MYO16: variants seen among roughly 807,000 people sequenced by gnomAD.
The protein encoded by MYO16 is myosin XVI, also known as unconventional myosin-XVI.
Under a neutral mutation model 205.3 loss-of-function variants are expected in MYO16, and 94 were observed. The ratio of observed to expected loss-of-function variants is 0.46; its 90% CI spans 0.39 to 0.54. The LOEUF (loss-of-function observed/expected upper bound fraction) is 0.54, where lower values mean the gene tolerates loss of function less well. Among genes scored for constraint, MYO16 ranks in the 20% least tolerant of loss-of-function variants. The pLI is 0.00. For missense variants in MYO16, 2,315 were observed against 2,387.5 expected, an observed-to-expected ratio of 0.97 and a Z score of 0.63; for synonymous variants, 988 against 954.0, an observed-to-expected ratio of 1.04 and a Z score of -0.66.
rs183866633 is a variant in MYO16 at position 108,684,165 on chromosome 13, C to T, written c.292+18016C>T. Among the ~76,000 whole-genome samples the T allele has an allele frequency of 2.6e-3, 391 of 152,300 alleles. 1 individual carries two copies. The highest frequency in any genetic ancestry group is 4.3e-3 in the Non-Finnish European group (294 of 68,026). On this transcript the variant is annotated intron_variant, in intron 2 of 34. Coordinates refer to ENST00000457511, the MANE Select transcript of MYO16 (RefSeq NM_001198950.3). ...CTGGGATTACAGGCGTGAGCCACCG[C>T]GCCTAGTCAGATGTGTTGCCTTCTT...
At chr13:108,516,614 C>A in the MYO16 span, among the ~76,000 whole-genome samples, 3 of 152,160 alleles carry the variant, frequency 2.0e-5, no homozygotes, top group Non-Finnish European at 1.5e-5. Context: ...ATAAGGTAAA[C>A]ATGTATCAAG....
intron 24 of MYO16, among the ~76,000 whole-genome samples, chr13:109,050,678 T>G (rs1198106752): frequency 6.6e-6 from 1 of 152,174 alleles, no homozygotes; most frequent in Non-Finnish European, 1.5e-5. Context: ...AACAGTGGCA[T>G]TCTGCTATAA....
intron 27 of MYO16, among the ~76,000 whole-genome samples, chr13:109,060,829 C>T (rs887536383): frequency 2.6e-5 from 4 of 152,208 alleles, no homozygotes; most frequent in Middle Eastern, 3.4e-3. Context: ...GTCAGCCTGG[C>T]CTTCGAAGCT....
chr13:108,539,032 T>C, the MYO16 span, among the ~76,000 whole-genome samples: 1 of 152,108 alleles, frequency 6.6e-6, no homozygotes, highest in Non-Finnish European at 1.5e-5. Flanking sequence ...ACCTGGTGCT[T>C]TTCCCTGTGA....
At chr13:109,201,298 C>A (rs561803998) in intron 34 of MYO16, among the ~76,000 whole-genome samples, 1 of 152,016 alleles carries the variant, frequency 6.6e-6, no homozygotes, top group Non-Finnish European at 1.5e-5. Flanking sequence ...AACCTTAAGA[C>A]CTCGAAACTC....
At chr13:108,943,561 G>A (rs1441284443) in intron 16 of MYO16, among the ~76,000 whole-genome samples, 1 of 151,980 alleles carries the variant, frequency 6.6e-6, no homozygotes, top group Admixed American at 6.6e-5. Context: ...GGGTTTAAGC[G>A]ATTCTCCTGC....
intron 23 of MYO16, among the ~76,000 whole-genome samples, chr13:109,029,389 C>G (rs1886479875): frequency 6.6e-6 from 1 of 152,076 alleles, no homozygotes; most frequent in Admixed American, 6.5e-5. Flanking sequence ...ATATAACATG[C>G]TTGCGGGATC....
At chr13:108,853,535 T>A (rs1009594896) in intron 10 of MYO16, among the ~76,000 whole-genome samples, 5 of 152,098 alleles carry the variant, frequency 3.3e-5, no homozygotes, top group African/African-American at 1.2e-4. Context: ...TCAGGGTGTT[T>A]GAGTTTGTGC....
the MYO16 span, among the ~76,000 whole-genome samples, chr13:108,509,703 C>T: frequency 9.9e-5 from 15 of 152,194 alleles, no homozygotes; most frequent in East Asian, 3.9e-4. Flanking sequence ...TGTTAAATGA[C>T]GAGTTAATGG....
At chr13:108,795,688 G>A (rs1387919999) in intron 6 of MYO16, among the ~76,000 whole-genome samples, 2 of 152,160 alleles carry the variant, frequency 1.3e-5, no homozygotes, top group African/African-American at 4.8e-5. Flanking sequence ...CTAAATTAAT[G>A]AAGAAATATA....
intron 21 of MYO16, among the ~76,000 whole-genome samples, chr13:109,007,232 C>CA (rs1283703527): frequency 6.6e-6 from 1 of 151,778 alleles, no homozygotes; most frequent in African/African-American, 2.4e-5. Context: ...ACTAAAAATA[C>CA]AAAAAATTAG....
chr13:108,663,897 C>T (rs1015632274), intron 1 of MYO16, among the ~76,000 whole-genome samples: 1 of 152,124 alleles, frequency 6.6e-6, no homozygotes, highest in Non-Finnish European at 1.5e-5. Context: ...TCACAGAAGT[C>T]AAAGTGTCAC....
chr13:108,958,642 A>G (rs569715164), intron 17 of MYO16, among the ~76,000 whole-genome samples: 1 of 152,286 alleles, frequency 6.6e-6, no homozygotes, highest in East Asian at 1.9e-4. Flanking sequence ...TAAATGTTTA[A>G]TATTTCTTTA....
At chr13:108,673,110 C>T (rs1252116232) in intron 2 of MYO16, among the ~76,000 whole-genome samples, 1 of 151,706 alleles carries the variant, frequency 6.6e-6, no homozygotes, top group East Asian at 1.9e-4. Flanking sequence ...ACTGCTACCT[C>T]AGGGCTTCCT....
intron 34 of MYO16, among the ~76,000 whole-genome samples, chr13:109,200,043 A>T (rs1880339881): frequency 6.6e-6 from 1 of 152,216 alleles, no homozygotes; most frequent in Admixed American, 6.5e-5. Flanking sequence ...GTGTTTCAGA[A>T]TCTAATAAAT....
At chr13:108,793,341 A>G (rs1452771256) in intron 5 of MYO16, among the ~76,000 whole-genome samples, 175 bp from the exon 6 acceptor site, 3 of 152,172 alleles carry the variant, frequency 2.0e-5, no homozygotes, top group Non-Finnish European at 4.4e-5. Context: ...TTTAAAGACT[A>G]TAGTTGGAAA....
At chr13:108,541,169 T>G in the MYO16 span, among the ~76,000 whole-genome samples, 2 of 152,022 alleles carry the variant, frequency 1.3e-5, no homozygotes, top group Non-Finnish European at 2.9e-5. Flanking sequence ...ATTGACTATT[T>G]GTGACAATAT....
At chr13:109,072,320 G>A (rs1346566480) in intron 27 of MYO16, among the ~76,000 whole-genome samples, 5 of 152,108 alleles carry the variant, frequency 3.3e-5, no homozygotes, top group African/African-American at 1.2e-4. Flanking sequence ...TTGGAATAAA[G>A]ATTTGCTCTT....
chr13:108,771,714 T>C (rs1173457662), intron 4 of MYO16, among the ~76,000 whole-genome samples: 2 of 152,222 alleles, frequency 1.3e-5, no homozygotes, highest in African/African-American at 2.4e-5. Context: ...AGTTTTATCT[T>C]TTCCAGAATG....
Sources: allele counts gnomAD v4.1 joint callset (sites outside exome capture counted in the v4.1 genomes callset), GRCh38; gene constraint gnomAD v4.1.1; transcripts MANE v1.5; gene names NCBI Gene and HGNC (gene_info 2026-07-23, HGNC 2026-07-21).